The following CIBAR2 variants were observed in gnomAD, a reference collection of about 807,000 sequenced individuals.
CIBAR2 encodes CBY1-interacting BAR domain-containing protein 2.
Under a neutral mutation model 36.2 loss-of-function variants are expected in CIBAR2, and 38 were observed. The ratio of observed to expected loss-of-function variants is 1.05; its 90% CI spans 0.81 to 1.38. The LOEUF (loss-of-function observed/expected upper bound fraction) is 1.38. Among genes scored for constraint, CIBAR2 ranks in the 40% most tolerant of loss-of-function variants. The pLI, the probability that CIBAR2 is intolerant of heterozygous loss-of-function variation, is 0.00. For missense variants in CIBAR2, 481 were observed against 383.4 expected, an observed-to-expected ratio of 1.25 and a Z score of -2.13; for synonymous variants, 182 against 149.5, an observed-to-expected ratio of 1.22 and a Z score of -1.58.
In CIBAR2 at chr16:85,107,836, G is replaced by A; in HGVS notation, c.426+10C>T. Reference sequence around the variant, plus strand: ...CGGCAGCCCCAGGCCCCACTTCCAGGGAAGGATACGATCATTTGCTGATCC... The same window carrying A: ...CGGCAGCCCCAGGCCCCACTTCCAGAGAAGGATACGATCATTTGCTGATCC... On this transcript the variant is annotated intron_variant, in intron 4 of 8. Transcript: ENST00000539556. 6.2e-7 allele frequency: 1 copy of A among 1,610,902 alleles called. No individual in the cohort carries two copies. The highest frequency in any genetic ancestry group is 8.5e-7 in the Non-Finnish European group (1 of 1,177,074).
In CIBAR2 at chr16:85,111,986, G is replaced by A. The variant is rs1033187360; in HGVS notation, c.20+347C>T. On this transcript the variant is annotated intron_variant, in intron 1 of 8. Coordinates refer to ENST00000539556, the MANE Select transcript of CIBAR2 (RefSeq NM_198491.3). ...CAGGGATGGCATGGGCCGGGGCAGT[G>A]TGGACTGGGTCCCCACAGAAGGGGG... Among the ~76,000 whole-genome samples, 6 of 152,258 alleles carry A rather than the reference G, an allele frequency of 3.9e-5. No homozygotes were observed. The South Asian group carries it at 8.3e-4, about 21-fold the overall frequency.
Position 85,100,170 on chromosome 16 carries a change from G to A in CIBAR2, c.722C>T (p.Pro241Leu), listed in dbSNP as rs751686547. Reference sequence around the variant, plus strand: ...GGCGAGAGACTGAAGAACAGATGGAGGGGGGCTGGTGTTGGCAAGCAGCCG... The same window carrying A: ...GGCGAGAGACTGAAGAACAGATGGAAGGGGGCTGGTGTTGGCAAGCAGCCG... ...DTRLLANTSP[P>L]PSVLQSLASQ... The change falls in exon 8 of 9, where the codon CCT becomes CTT. Residue 241 changes from proline to leucine, a missense_variant. Transcript: ENST00000539556. 6.8e-6 allele frequency: 11 copies of A among 1,611,214 alleles called. No individual in the cohort carries two copies. In the African/African-American group the frequency reaches 8.0e-5, roughly 12 times the overall value.
intron 6 of CIBAR2, among the ~76,000 whole-genome samples, chr16:85,104,066 T>TA (rs2073976136): frequency 6.6e-6 from 1 of 152,254 alleles, no homozygotes; most frequent in South Asian, 2.1e-4. Flanking sequence ...GTGAATTGAA[T>TA]ACACAATTAA....
chr16:85,102,180 C>G, intron 7 of CIBAR2, 34 bp downstream of exon 7: 5 of 1,216,188 alleles, frequency 4.1e-6, no homozygotes, highest in Non-Finnish European at 6.1e-6. Context: ...CTGCCCCACT[C>G]CACCATATAG....
intron 7 of CIBAR2, 83 bp from the exon 8 acceptor site, chr16:85,100,323 G>T: frequency 1.2e-6 from 1 of 815,230 alleles, no homozygotes. Context: ...AGACGGTGGG[G>T]ACGAGAAGGC....
chr16:85,112,276 G>A (rs1567563951), intron 1 of CIBAR2, 57 bp downstream of exon 1: 1 of 1,562,258 alleles, frequency 6.4e-7, no homozygotes, highest in African/African-American at 1.4e-5. Context: ...TGGTGCCCCG[G>A]GCCTCAAAAC....
At position 85,108,101 on chromosome 16, in the gene CIBAR2, T is replaced by C; in HGVS notation, c.256-2A>G. 1 of 1,608,454 alleles carries C rather than the reference T, an allele frequency of 6.2e-7. No individual in the cohort carries two copies. Among genetic ancestry groups the C allele is most frequent in the Non-Finnish European group, 8.5e-7 (1 of 1,177,040 alleles). The stretch of plus-strand genomic sequence containing the variant: ...CACCTTGGTCTCCAGCCTCTCGACC[T>C]GGGGGAGCGGGGACACCAGGGGATC... On this transcript the variant is annotated splice_acceptor_variant, in intron 2 of 8. Transcript: ENST00000539556. LOFTEE classifies it high-confidence loss of function.
At chr16:85,099,860 C>G (rs1321943284) in intron 8 of CIBAR2, among the ~76,000 whole-genome samples, 3 of 134,780 alleles carry the variant, frequency 2.2e-5, no homozygotes, top group Non-Finnish European at 3.1e-5. Flanking sequence ...CCAGGCTGGT[C>G]TCGAACTCCT....
At chr16:85,104,975 G>C (rs150365424) in intron 6 of CIBAR2, among the ~76,000 whole-genome samples, 9 of 152,262 alleles carry the variant, frequency 5.9e-5, no homozygotes, top group Non-Finnish European at 1.2e-4. Flanking sequence ...GGGGTTTAGA[G>C]CTGTGAGGAG....
intron 6 of CIBAR2, 101 bp from the exon 7 acceptor site, chr16:85,102,428 C>T (rs755757897): frequency 8.3e-6 from 6 of 725,630 alleles, no homozygotes; most frequent in Admixed American, 4.3e-5. Flanking sequence ...GAGGGCTGTC[C>T]GTGTGGGGAC....
At position 85,099,323 on chromosome 16, in the gene CIBAR2, A is replaced by T; in HGVS notation, c.777T>A (p.Ser259Arg). ...GATGTTCAGGGTCTTCATTTGCCCTACTCAGCTGGACCTGCAGAGTTCCCT... is the reference window on the plus strand; with the variant it reads ...GATGTTCAGGGTCTTCATTTGCCCTTCTCAGCTGGACCTGCAGAGTTCCCT... ...ASQGTLQVQL[S>R]RANEDPEHPH... Residue 259 changes from serine (S) to arginine (R), a missense_variant, in exon 9 of 9, where the codon AGT becomes AGA. Transcript: ENST00000539556. The T allele has an allele frequency of 6.3e-7, 1 of 1,596,182 alleles. No individual in the cohort carries two copies.
At position 85,107,751 on chromosome 16, in the gene CIBAR2, C is replaced by T. The variant is rs1045017751; in HGVS notation, c.427-79G>A. The T allele has an allele frequency of 3.1e-6, 5 of 1,590,536 alleles. No individual in the cohort carries two copies. In the East Asian group the frequency reaches 1.1e-4, roughly 36 times the overall value. ...TGGTCCGCCCCCTTCACAGCCCCTG[C>T]CCAGCGGGCCCAGGCAAAGAAAACC... is the stretch of plus-strand genomic sequence containing the variant. On this transcript the variant is annotated intron_variant, in intron 4 of 8. Transcript: ENST00000539556.
At chr16:85,103,500 C>A (rs1172873399) in intron 6 of CIBAR2, among the ~76,000 whole-genome samples, 4 of 152,162 alleles carry the variant, frequency 2.6e-5, no homozygotes, top group African/African-American at 9.7e-5. Flanking sequence ...CAAATTTAAT[C>A]CCAGAACTTG....
At chr16:85,103,032 G>A (rs2073968109) in intron 6 of CIBAR2, among the ~76,000 whole-genome samples, 1 of 152,032 alleles carries the variant, frequency 6.6e-6, no homozygotes, top group Non-Finnish European at 1.5e-5. Context: ...CTCCTGAGTA[G>A]CTGGGATTAC....
At chr16:85,105,508 G>A (rs144697541) in intron 5 of CIBAR2, 77 bp from the exon 6 acceptor site, 50 of 1,060,684 alleles carry the variant, frequency 4.7e-5, no homozygotes, top group Middle Eastern at 2.0e-4. Flanking sequence ...GAATCACTCT[G>A]TCTCTAAACC....
intron 2 of CIBAR2, 98 bp downstream of exon 2, chr16:85,110,128 C>T (rs549989023): frequency 2.3e-6 from 2 of 864,246 alleles, no homozygotes; most frequent in African/African-American, 1.7e-5. Flanking sequence ...CACCCATTGG[C>T]TGTGGCCACA....
intron 8 of CIBAR2, 129 bp from the exon 9 acceptor site, chr16:85,099,475 T>G: frequency 3.1e-6 from 2 of 648,648 alleles, no homozygotes; most frequent in Non-Finnish European, 5.5e-6. Flanking sequence ...GCCCACGGGC[T>G]GGGATGGAGG....
rs557088845 is a variant in CIBAR2 at position 85,099,318 on chromosome 16, G to T, written c.782C>A (p.Ala261Glu). ...ATGAGGATGTTCAGGGTCTTCATTT[G>T]CCCTACTCAGCTGGACCTGCAGAGT... ...QGTLQVQLSR[A>E]NEDPEHPHAN... The change falls in exon 9 of 9, where the codon GCA becomes GAA. Residue 261 changes from alanine to glutamate, a missense_variant. By Grantham distance (107) the Ala-to-Glu change is moderately radical (BLOSUM62 -1). Coordinates refer to ENST00000539556, the MANE Select transcript of CIBAR2 (RefSeq NM_198491.3). 16 of 1,601,890 alleles carry T rather than the reference G, an allele frequency of 1.0e-5. No homozygotes were observed. The Admixed American group carries it at 1.7e-4, about 17-fold the overall frequency.
intron 7 of CIBAR2, among the ~76,000 whole-genome samples, chr16:85,101,226 T>C (rs1279408864): frequency 6.6e-6 from 1 of 152,196 alleles, no homozygotes; most frequent in African/African-American, 2.4e-5. Context: ...AGAAGGACCC[T>C]GTGCTTGGCT....
Sources: allele counts gnomAD v4.1 joint callset (sites outside exome capture counted in the v4.1 genomes callset), GRCh38; gene constraint gnomAD v4.1.1; transcripts MANE v1.5; gene names NCBI Gene and HGNC (gene_info 2026-07-23, HGNC 2026-07-21).